Variants in DPP10 observed in about 807,000 individuals in gnomAD.
DPP10 encodes the protein dipeptidyl peptidase like 10.
In DPP10, 33 loss-of-function variants were observed where a neutral mutation model predicts 120.9. The ratio of observed to expected loss-of-function variants is 0.27; its 90% CI spans 0.21 to 0.37. The LOEUF (loss-of-function observed/expected upper bound fraction) is 0.37. DPP10 is among the 10% of genes least tolerant of loss of function. The probability of loss-of-function intolerance (pLI) is 1.00; values close to 1 mark genes in which losing one functional copy is unlikely to be tolerated. For synonymous variants in DPP10, 337 were observed against 326.1 expected (o/e 1.03, Z -0.36); for missense variants, 816 against 942.8 (o/e 0.87, Z 1.76).
chr2:115,766,326 G>GTATATATATA (rs1553502949), intron 12 of DPP10, among the ~76,000 whole-genome samples: 3 of 50,310 alleles, frequency 6.0e-5, no homozygotes, highest in African/African-American at 2.0e-4. Flanking sequence ...ATATATATAT[G>GTATATATATA]TATATATATA....
chr2:115,471,325 A>G (rs981682895), intron 3 of DPP10, among the ~76,000 whole-genome samples: 1 of 152,214 alleles, frequency 6.6e-6, no homozygotes, highest in Admixed American at 6.5e-5. Flanking sequence ...TCAGTAACAT[A>G]CATGACTACT....
At chr2:115,030,250 T>G (rs1023874748) in intron 1 of DPP10, among the ~76,000 whole-genome samples, 5 of 152,110 alleles carry the variant, frequency 3.3e-5, no homozygotes, top group Non-Finnish European at 5.9e-5. Flanking sequence ...GTTTGATACA[T>G]TTTATTTGGT....
intron 1 of DPP10, among the ~76,000 whole-genome samples, chr2:114,755,413 C>A (rs1326629939): frequency 6.6e-6 from 1 of 152,070 alleles, no homozygotes; most frequent in Non-Finnish European, 1.5e-5. Context: ...CCCCGCTTCA[C>A]CCTCCAGAGT....
chr2:115,261,176 C>T (rs2059235373), intron 1 of DPP10, among the ~76,000 whole-genome samples: 1 of 152,176 alleles, frequency 6.6e-6, no homozygotes, highest in Non-Finnish European at 1.5e-5. Flanking sequence ...ATGTCTTGCT[C>T]TACATTCTAA....
chr2:114,964,018 G>T (rs1432837038), intron 1 of DPP10, among the ~76,000 whole-genome samples: 1 of 152,116 alleles, frequency 6.6e-6, no homozygotes, highest in African/African-American at 2.4e-5. Context: ...TAGGAGACAG[G>T]ACTAATAATA....
intron 1 of DPP10, chr2:114,461,799 A>G: frequency 1.0e-6 from 1 of 985,410 alleles, no homozygotes; most frequent in Non-Finnish European, 1.2e-6. Context: ...AATAATATAC[A>G]CAAGTACCTG....
intron 1 of DPP10, among the ~76,000 whole-genome samples, chr2:114,510,205 T>A (rs73946189): frequency 0.022 from 3,286 of 152,304 alleles, 117 homozygotes; most frequent in African/African-American, 0.075. Context: ...TGGATGTGAA[T>A]AGAGACTTTG....
At chr2:114,512,816 C>T (rs900716985) in intron 1 of DPP10, among the ~76,000 whole-genome samples, 6 of 151,698 alleles carry the variant, frequency 4.0e-5, no homozygotes, top group Admixed American at 6.6e-5. Context: ...TAGATGTTGT[C>T]CTCATCAAGG....
At chr2:114,838,638 G>A (rs1351637756) in intron 1 of DPP10, among the ~76,000 whole-genome samples, 3 of 152,108 alleles carry the variant, frequency 2.0e-5, no homozygotes, top group Non-Finnish European at 4.4e-5. Context: ...AAATTTTAAA[G>A]TCTGATTTTT....
intron 17 of DPP10, among the ~76,000 whole-genome samples, chr2:115,785,918 AT>A (rs1406081159): frequency 2.0e-5 from 3 of 149,944 alleles, no homozygotes; most frequent in Non-Finnish European, 4.4e-5. Flanking sequence ...AATATTCACC[AT>A]TTTTTAAGCA....
chr2:115,288,236 G>T (rs997617282), intron 1 of DPP10, among the ~76,000 whole-genome samples: 2 of 151,818 alleles, frequency 1.3e-5, no homozygotes, highest in African/African-American at 4.8e-5. Flanking sequence ...CTGGAGTAAG[G>T]TGGTATCTTG....
chr2:115,599,829 TATAGTGC>T (rs1342736177), intron 5 of DPP10, among the ~76,000 whole-genome samples: 3 of 149,448 alleles, frequency 2.0e-5, no homozygotes, highest in African/African-American at 7.4e-5. Flanking sequence ...CTGTCACACA[TATAGTGC>T]ATTGTAGCTC....
At chr2:115,369,568 C>T (rs993370691) in intron 3 of DPP10, among the ~76,000 whole-genome samples, 1 of 151,934 alleles carries the variant, frequency 6.6e-6, no homozygotes, top group Non-Finnish European at 1.5e-5. Flanking sequence ...CAAATATTTC[C>T]AGTAAAATGT....
chr2:115,662,303 A>C (rs541538012), intron 5 of DPP10, among the ~76,000 whole-genome samples: 2 of 152,196 alleles, frequency 1.3e-5, no homozygotes, highest in Non-Finnish European at 2.9e-5. Flanking sequence ...GTGGCTACTT[A>C]GTGAATAATG....
chr2:114,712,322 AAAAAT>A (rs1374832782), intron 1 of DPP10, among the ~76,000 whole-genome samples: 1 of 152,230 alleles, frequency 6.6e-6, no homozygotes, highest in Non-Finnish European at 1.5e-5. Context: ...TGTGTCTCAA[AAAAAT>A]AAAATAAAAT....
chr2:114,657,459 G>A (rs892111322), intron 1 of DPP10, among the ~76,000 whole-genome samples: 9 of 152,006 alleles, frequency 5.9e-5, no homozygotes, highest in African/African-American at 1.9e-4. Flanking sequence ...TTTCATTCTT[G>A]TTTAAATAAA....
intron 5 of DPP10, among the ~76,000 whole-genome samples, chr2:115,636,374 G>A (rs896914822): frequency 4.6e-5 from 7 of 152,056 alleles, no homozygotes; most frequent in Non-Finnish European, 7.4e-5. Flanking sequence ...GAACATTTAC[G>A]TGACTATTGA....
intron 1 of DPP10, among the ~76,000 whole-genome samples, chr2:114,976,656 C>G (rs553392508): frequency 6.6e-6 from 1 of 152,124 alleles, no homozygotes; most frequent in Non-Finnish European, 1.5e-5. Context: ...ACTTTTTCCC[C>G]CTTGTAAGTA....
intron 1 of DPP10, among the ~76,000 whole-genome samples, chr2:115,114,358 GA>G (rs1468619759): frequency 6.6e-6 from 1 of 152,106 alleles, no homozygotes; most frequent in African/African-American, 2.4e-5. Context: ...GAAAGTATAT[GA>G]GCATGCATTT....
Sources: allele counts gnomAD v4.1 joint callset (sites outside exome capture counted in the v4.1 genomes callset), GRCh38; gene constraint gnomAD v4.1.1; transcripts MANE v1.5; gene names NCBI Gene and HGNC (gene_info 2026-07-23, HGNC 2026-07-21).